The following BIRC6 variants were observed in gnomAD, a reference collection of about 807,000 sequenced individuals.
The protein encoded by BIRC6 is dual E2 ubiquitin-conjugating enzyme/E3 ubiquitin-protein ligase BIRC6.
In BIRC6, 98 loss-of-function variants were observed where a neutral mutation model predicts 503.3. The ratio of observed to expected loss-of-function variants is 0.19; its 90% CI spans 0.17 to 0.23. The LOEUF (loss-of-function observed/expected upper bound fraction) is 0.23. Among genes scored for constraint, BIRC6 ranks in the 10% least tolerant of loss-of-function variants. The pLI is 1.00. For missense variants in BIRC6, 5,360 were observed against 5,806.0 expected (o/e 0.92, Z 2.50); for synonymous variants, 2,240 against 2,078.7 (o/e 1.08, Z -2.11).
chr2:32,490,511 G>A (rs2051563696), intron 43 of BIRC6, among the ~76,000 whole-genome samples: 3 of 152,150 alleles, frequency 2.0e-5, no homozygotes, highest in Admixed American at 6.5e-5. Flanking sequence ...CACCAGCCTA[G>A]GTGACAGAGT....
Position 32,575,011 on chromosome 2 carries a change from G to A in BIRC6, c.13145-145G>A, listed in dbSNP as rs2060168751. On this transcript the variant is annotated intron_variant, in intron 65 of 73. Transcript: ENST00000421745. ...GATCTGCCTGCCTCGGCCTCACAAA[G>A]TACTGAGATTACAGGCCTGAACCAG... 3.5e-5 allele frequency: 28 copies of A among 798,026 alleles called. No homozygotes were observed. The South Asian group carries it at 4.5e-4, about 13-fold the overall frequency. 49.4% of individuals were successfully genotyped at this position (798,026 alleles called of 1,614,324 possible).
At chr2:32,558,799 C>T (rs879783819) in intron 65 of BIRC6, 1 of 152,126 alleles carries the variant, frequency 6.6e-6, no homozygotes, top group Admixed American at 6.5e-5. Flanking sequence ...TTCAGTATAT[C>T]CTGAAGGGAT....
chr2:32,546,354 T>C (rs569445958), intron 63 of BIRC6, among the ~76,000 whole-genome samples: 1 of 151,282 alleles, frequency 6.6e-6, no homozygotes, highest in Admixed American at 6.6e-5. Flanking sequence ...TTGAGGTGGG[T>C]GGATAGCCTG....
Position 32,357,074 on chromosome 2 carries a change from C to T in BIRC6, c.-88C>T, listed in dbSNP as rs932182517. ...CGTCAGCCTCCCTCCGAGTTTGGCC[C>T]CTCCGGCCGGGCGATCGACGTTCCG... On this transcript the variant is annotated 5_prime_UTR_variant, in exon 1 of 74. Coordinates refer to ENST00000421745, the MANE Select transcript of BIRC6 (RefSeq NM_016252.4). This position sits in a 1 kb window ranked among gnomAD's most constrained non-coding sequence, Gnocchi z 4.9. 2.5e-6 allele frequency: 3 copies of T among 1,215,540 alleles called. No homozygotes were observed. The highest frequency in any genetic ancestry group is 3.3e-6 in the Non-Finnish European group (3 of 918,214). The allele number at this position is 1,215,540 out of a possible 1,614,324, so 75.3% of individuals were successfully genotyped here.
In BIRC6 at chr2:32,603,213, A is replaced by T. The variant is rs545729930; in HGVS notation, c.14070+130A>T. 1.6e-5 allele frequency: 10 copies of T among 614,210 alleles called. No individual in the cohort carries two copies. The African/African-American group carries it at 1.9e-4, about 12-fold the overall frequency. The allele number at this position is 614,210 out of a possible 1,614,324, so 38.0% of individuals were successfully genotyped here. On this transcript the variant is annotated intron_variant, in intron 71 of 73. Coordinates refer to ENST00000421745, the MANE Select transcript of BIRC6 (RefSeq NM_016252.4). ...ATAGATTACTAGGAAATGCATATTAAATAGCTTATAGGTGAGAAGTTAGCA... is the reference window on the plus strand; with the variant it reads ...ATAGATTACTAGGAAATGCATATTATATAGCTTATAGGTGAGAAGTTAGCA...
intron 9 of BIRC6, among the ~76,000 whole-genome samples, chr2:32,407,627 A>G (rs1358431494): frequency 6.6e-6 from 1 of 152,146 alleles, no homozygotes; most frequent in East Asian, 1.9e-4. Context: ...ATGGTTTTGT[A>G]TAGTACAGTT....
At chr2:32,561,966 C>T (rs975519217) in intron 65 of BIRC6, among the ~76,000 whole-genome samples, 2 of 151,658 alleles carry the variant, frequency 1.3e-5, no homozygotes, top group Non-Finnish European at 2.9e-5. Flanking sequence ...TGGTTGAACC[C>T]GGGAGGTGAA....
At chr2:32,371,386 T>C (rs1472862040) in intron 1 of BIRC6, among the ~76,000 whole-genome samples, 2 of 152,024 alleles carry the variant, frequency 1.3e-5, no homozygotes, top group African/African-American at 4.8e-5. Context: ...AGTATTATTT[T>C]TTTTTGGAGA....
In BIRC6 at chr2:32,522,029, G is replaced by T. The variant is rs2055779089; in HGVS notation, c.11624-2859G>T. On this transcript the variant is annotated intron_variant, in intron 57 of 73. Coordinates refer to ENST00000421745, the MANE Select transcript of BIRC6 (RefSeq NM_016252.4). The stretch of plus-strand genomic sequence containing the variant: ...TATAATTACAGTTACTTATTAGGCT[G>T]TATGAAGTTGTTTGACACCCCAAAT... 3 of 151,992 alleles carry T rather than the reference G, an allele frequency of 2.0e-5. No homozygotes were observed. In the South Asian group the frequency reaches 6.2e-4, roughly 32 times the overall value. 9.4% of individuals were successfully genotyped at this position (151,992 alleles called of 1,614,324 possible). A position where few individuals can be genotyped will look rare whatever the true frequency, so the allele number is the denominator to read the frequency against.
At chr2:32,603,689 A>T (rs186712417) in intron 71 of BIRC6, among the ~76,000 whole-genome samples, 1 of 152,110 alleles carries the variant, frequency 6.6e-6, no homozygotes. Flanking sequence ...ACGGCACTAC[A>T]CTCTAGCCTG....
chr2:32,594,720 A>ATGGT (rs1169709286), intron 67 of BIRC6, among the ~76,000 whole-genome samples: 1 of 152,000 alleles, frequency 6.6e-6, no homozygotes, highest in African/African-American at 2.4e-5. Flanking sequence ...GGATGGATGG[A>ATGGT]TGGATGGATG....
intron 23 of BIRC6, among the ~76,000 whole-genome samples, chr2:32,462,884 C>A (rs575622583): frequency 6.7e-6 from 1 of 150,058 alleles, no homozygotes; most frequent in Admixed American, 6.7e-5. Context: ...TGAACCCAGA[C>A]GTGGAGGTTG....
intron 45 of BIRC6, among the ~76,000 whole-genome samples, chr2:32,496,430 G>A (rs2052481794): frequency 6.6e-6 from 1 of 151,982 alleles, no homozygotes; most frequent in Non-Finnish European, 1.5e-5. Context: ...TGCCATGTTG[G>A]CCAGGCTGGT....
At position 32,586,423 on chromosome 2, in the gene BIRC6, C is replaced by CTTTT. The variant is rs972959083; in HGVS notation, c.13356-7468_13356-7465dup. Reference sequence around the variant, plus strand: ...ATCTCAGACAAAATCTCAAGCAGTCCTTTTTTTTTTTTTTTTTTTTTTTTT... The same window carrying CTTTT: ...ATCTCAGACAAAATCTCAAGCAGTCCTTTTTTTTTTTTTTTTTTTTTTTTTTTTT... On this transcript the variant is annotated intron_variant, in intron 66 of 73. Transcript: ENST00000421745. 2.7e-4 allele frequency among the ~76,000 whole-genome samples: 19 copies of CTTTT among 70,978 alleles called. 2 individuals are homozygous for CTTTT. Among genetic ancestry groups the CTTTT allele is most frequent in the African/African-American group, 9.4e-4 (14 of 14,848 alleles). 46.6% of individuals were successfully genotyped at this position (70,978 alleles called of 152,430 possible). A position where few individuals can be genotyped will look rare whatever the true frequency, so the allele number is the denominator to read the frequency against.
At chr2:32,413,601 G>C (rs1027854717) in intron 9 of BIRC6, among the ~76,000 whole-genome samples, 1 of 151,692 alleles carries the variant, frequency 6.6e-6, no homozygotes, top group Non-Finnish European at 1.5e-5. Flanking sequence ...TGACAGATGT[G>C]AGCCACCTGC....
rs1001024473 is a variant in BIRC6, at chr2:32,491,532, C to T, written c.8314C>T (p.His2772Tyr). The change falls in exon 44 of 74, where the codon CAT becomes TAT. Residue 2772 changes from histidine (H) to tyrosine (Y), a missense_variant. This residue lies in a region of BIRC6 where 2,299 missense variants were observed against 2,267.2 expected (regional missense o/e 1.01). Coordinates refer to ENST00000421745, the MANE Select transcript of BIRC6 (RefSeq NM_016252.4). ...LVKFLSGTSPHGTNQHSPQVG... is the reference protein window; with the variant it reads ...LVKFLSGTSPYGTNQHSPQVG... ...GAAATTTCTTTCTGGCACCAGTCCA[C>T]ATGGAACAAATCAACACAGTCCACA... The T allele has an allele frequency of 1.9e-6, 3 of 1,613,542 alleles. No individual in the cohort carries two copies. The highest frequency in any genetic ancestry group is 1.7e-6 in the Non-Finnish European group (2 of 1,179,642).
intron 10 of BIRC6, among the ~76,000 whole-genome samples, chr2:32,421,324 A>G (rs1055289274): frequency 6.6e-6 from 1 of 151,788 alleles, no homozygotes; most frequent in Admixed American, 6.6e-5. Context: ...CCAGGATGAT[A>G]CTGATCTCTT....
At chr2:32,508,448 A>C (rs1367543769) in intron 51 of BIRC6, among the ~76,000 whole-genome samples, 189 bp downstream of exon 51, 1 of 151,748 alleles carries the variant, frequency 6.6e-6, no homozygotes. Flanking sequence ...GAATGCTGAC[A>C]CTGATTAAAA....
intron 66 of BIRC6, among the ~76,000 whole-genome samples, chr2:32,578,008 A>T (rs1407482733): frequency 6.6e-6 from 1 of 152,198 alleles, no homozygotes; most frequent in Admixed American, 6.5e-5. Flanking sequence ...TATTTTTAGT[A>T]ATTCTTTTTA....
Sources: allele counts gnomAD v4.1 joint callset (sites outside exome capture counted in the v4.1 genomes callset), GRCh38; gene constraint gnomAD v4.1.1; regional missense constraint gnomAD v4.1.1; non-coding constraint Gnocchi (gnomAD v3.1); transcripts MANE v1.5; gene names NCBI Gene and HGNC (gene_info 2026-07-23, HGNC 2026-07-21).